Variants in SYNPO observed in about 807,000 individuals in gnomAD.
SYNPO encodes the protein synaptopodin.
In SYNPO, 19 loss-of-function variants were observed where a neutral mutation model predicts 49.5. The observed-to-expected ratio is 0.38, with a 90% CI of 0.27 to 0.56. The LOEUF (loss-of-function observed/expected upper bound fraction) is 0.56. SYNPO is among the 20% of genes least tolerant of loss of function. SYNPO has a pLI of 0.68. For synonymous variants in SYNPO, 536 were observed against 548.0 expected (o/e 0.98, Z 0.31); for missense variants, 1,131 against 1,248.3 (o/e 0.91, Z 1.42).
intron 1 of SYNPO, among the ~76,000 whole-genome samples, chr5:150,613,236 T>G (rs1045887909): frequency 6.6e-6 from 1 of 152,174 alleles, no homozygotes; most frequent in African/African-American, 2.4e-5. Context: ...GAGCTGGGCC[T>G]TGCAGTCATT....
At chr5:150,604,103 T>A (rs891302366) in intron 1 of SYNPO, among the ~76,000 whole-genome samples, 1 of 152,180 alleles carries the variant, frequency 6.6e-6, no homozygotes, top group African/African-American at 2.4e-5. Context: ...CATGCCACAT[T>A]CTAACTGACC....
chr5:150,634,914 G>C (rs1405063239), intron 2 of SYNPO, among the ~76,000 whole-genome samples: 1 of 151,714 alleles, frequency 6.6e-6, no homozygotes, highest in African/African-American at 2.4e-5. Context: ...TGATCCCCTG[G>C]GTCATTTGAG....
At chr5:150,620,494 T>A (rs1288915318) in intron 2 of SYNPO, among the ~76,000 whole-genome samples, 1 of 152,218 alleles carries the variant, frequency 6.6e-6, no homozygotes, top group Non-Finnish European at 1.5e-5. Context: ...CCAAGATGCA[T>A]GACTAGCAAG....
At chr5:150,624,984 G>A in intron 2 of SYNPO, 1 of 985,328 alleles carries the variant, frequency 1.0e-6, no homozygotes, top group South Asian at 4.7e-5. Flanking sequence ...GCTATTCCCG[G>A]CGCCGCCCAG....
intron 2 of SYNPO, among the ~76,000 whole-genome samples, chr5:150,655,937 C>T (rs1758536083): frequency 1.3e-5 from 2 of 152,260 alleles, no homozygotes; most frequent in South Asian, 2.1e-4. Flanking sequence ...AGGCGCGGGC[C>T]ACCGCGCCAA....
chr5:150,620,994 C>A (rs1454476625), intron 2 of SYNPO, among the ~76,000 whole-genome samples: 1 of 138,522 alleles, frequency 7.2e-6, no homozygotes, highest in African/African-American at 2.7e-5. Context: ...GCTCTGTCGC[C>A]CAGGCTGGAG....
chr5:150,594,202 G>A, the SYNPO span, among the ~76,000 whole-genome samples: 8 of 152,276 alleles, frequency 5.3e-5, no homozygotes, highest in East Asian at 1.9e-4. Flanking sequence ...CGTGGAAGGC[G>A]GCAGGGGAGT....
upstream of SYNPO, chr5:150,640,083 G>T: frequency 1.0e-6 from 1 of 971,972 alleles, no homozygotes. Flanking sequence ...TGGCCTCATG[G>T]GTTGCTGTGG....
chr5:150,600,720 C>T (rs1364011196), upstream of SYNPO, among the ~76,000 whole-genome samples: 1 of 152,036 alleles, frequency 6.6e-6, no homozygotes, highest in African/African-American at 2.4e-5. Context: ...AAGGGAGCCC[C>T]GAGTCCTCCA....
At chr5:150,631,882 C>T (rs373704431) in intron 2 of SYNPO, among the ~76,000 whole-genome samples, 4 of 152,134 alleles carry the variant, frequency 2.6e-5, no homozygotes, top group African/African-American at 9.7e-5. Flanking sequence ...AAGCTGAGTG[C>T]CCCTGTTCAG....
chr5:150,651,753 C>T, intron 2 of SYNPO: 1 of 1,000,464 alleles, frequency 1.0e-6, no homozygotes, highest in Non-Finnish European at 1.2e-6. Context: ...AACAGACCAA[C>T]TGCATGTGTG....
intron 2 of SYNPO, among the ~76,000 whole-genome samples, chr5:150,628,534 T>G (rs1322898741): frequency 6.6e-6 from 1 of 152,180 alleles, no homozygotes; most frequent in African/African-American, 2.4e-5. Context: ...TTGTATACTG[T>G]TGTTCTGAAA....
chr5:150,621,760 C>G (rs534576894), intron 2 of SYNPO, among the ~76,000 whole-genome samples: 1 of 152,104 alleles, frequency 6.6e-6, no homozygotes, highest in Non-Finnish European at 1.5e-5. Flanking sequence ...GCCTGAGTAC[C>G]AGCTGAGCAG....
intron 2 of SYNPO, among the ~76,000 whole-genome samples, chr5:150,655,873 ACTCCTGACCTCAGGTGATCCACCCGC>A: frequency 6.6e-6 from 1 of 151,846 alleles, no homozygotes; most frequent in East Asian, 1.9e-4. Context: ...CTGGTCTCGA[ACTCCTGACCTCAGGTGATCCACCCGC>A]CTCGGCCTCC....
chr5:150,640,112 C>T (rs1323062830), upstream of SYNPO: 1 of 985,112 alleles, frequency 1.0e-6, no homozygotes, highest in African/African-American at 1.7e-5. Context: ...GAAGTAAGGC[C>T]CTGTCCTGCT....
At chr5:150,602,595 TTTTATTTG>T (rs1203137149) in intron 1 of SYNPO, among the ~76,000 whole-genome samples, 3 of 152,160 alleles carry the variant, frequency 2.0e-5, no homozygotes, top group Non-Finnish European at 4.4e-5. Flanking sequence ...GCTTCCAGCA[TTTTATTTG>T]TTTATTTATT....
At chr5:150,645,571 T>A (rs1043591815) in intron 1 of SYNPO, among the ~76,000 whole-genome samples, 3 of 152,242 alleles carry the variant, frequency 2.0e-5, no homozygotes, top group African/African-American at 7.2e-5. Flanking sequence ...GAACTCAGCC[T>A]GATCTCAGGA....
upstream of SYNPO, among the ~76,000 whole-genome samples, chr5:150,638,565 G>A (rs1451871956): frequency 1.3e-5 from 2 of 152,220 alleles, no homozygotes; most frequent in South Asian, 2.1e-4. Flanking sequence ...CCCCTCCTGG[G>A]TGATGGCTTC....
chr5:150,627,402 C>G (rs1431751735), intron 2 of SYNPO, among the ~76,000 whole-genome samples: 1 of 152,192 alleles, frequency 6.6e-6, no homozygotes, highest in Non-Finnish European at 1.5e-5. Flanking sequence ...ACTGTGTGAC[C>G]TTGGGTAAAT....
Sources: allele counts gnomAD v4.1 joint callset (sites outside exome capture counted in the v4.1 genomes callset), GRCh38; gene constraint gnomAD v4.1.1; transcripts MANE v1.5; gene names NCBI Gene and HGNC (gene_info 2026-07-23, HGNC 2026-07-21).